The following PLCH2 variants were observed in gnomAD, a reference collection of about 807,000 sequenced individuals.
PLCH2 encodes the protein phospholipase C eta 2.
A neutral mutation model predicts 134.7 loss-of-function variants in PLCH2; 98 were observed. That is an observed-to-expected ratio of 0.73 (90% CI 0.62 to 0.86). PLCH2 has a LOEUF of 0.86. Ranked by LOEUF, PLCH2 falls within the 40% of genes least tolerant of loss-of-function variation. PLCH2 has a pLI of 0.00. For missense variants in PLCH2, 1,994 were observed against 1,986.6 expected (o/e 1.00, Z -0.07); for synonymous variants, 974 against 827.5 (o/e 1.18, Z -3.04).
rs199730125 is a variant in PLCH2, at chr1:2,504,359, C to G, written c.3397C>G (p.Arg1133Gly). The change falls in exon 22 of 22, where the codon CGG becomes GGG. Residue 1133 changes from arginine to glycine, a missense_variant. Physicochemically the swap from Arg to Gly is moderately radical, Grantham distance 125. Transcript: ENST00000378486. ...CACGGGCAGTGACCCGCTGTGGCAG[C>G]GGCTGGAGCCATGTGGCCACCGAGA... is the stretch of plus-strand genomic sequence containing the variant. Reference protein sequence around the residue: ...DATGSDPLWQRLEPCGHRDSV... With the variant: ...DATGSDPLWQGLEPCGHRDSV... The G allele has an allele frequency of 1.6e-5, 26 of 1,610,182 alleles. No individual in the cohort carries two copies. The highest frequency in any genetic ancestry group is 2.1e-5 in the Non-Finnish European group (25 of 1,179,498).
At chr1:2,429,269 G>T (rs1638952583) in intron 1 of PLCH2, among the ~76,000 whole-genome samples, 1 of 152,170 alleles carries the variant, frequency 6.6e-6, no homozygotes, top group South Asian at 2.1e-4. Flanking sequence ...GCAGAGCATG[G>T]CTCTGTGTGT....
In PLCH2 at chr1:2,480,228, C is replaced by G. The variant is rs1641887493; in HGVS notation, c.561C>G (p.Gly187=). 4.3e-6 allele frequency: 7 copies of G among 1,612,842 alleles called. No individual in the cohort carries two copies. The highest frequency in any genetic ancestry group is 5.9e-6 in the Non-Finnish European group (7 of 1,179,838). ...ACGAGGCCGACAAGAACGGGGATGG[C>G]AGCCTGAGCATTGGCGAGGTCCTGC... ...TFDEADKNGD[G]SLSIGEVLQL... Residue 187 remains glycine (G), a synonymous_variant, in exon 4 of 22, where the codon GGC becomes GGG. Transcript: ENST00000378486.
chr1:2,484,554 A>G lies in PLCH2; in HGVS notation c.752A>G (p.Tyr251Cys), dbSNP rs759203234. ...GACCTCTACCTGCTCATGCTGACCT[A>G]CAGCAACCACAAGGACCACCTGGAT... ...RRDLYLLMLT[Y>C]SNHKDHLDAA... The change falls in exon 5 of 22, where the codon TAC becomes TGC. Residue 251 changes from tyrosine (Y) to cysteine (C), a missense_variant. Coordinates refer to ENST00000378486, the MANE Select transcript of PLCH2 (RefSeq NM_014638.4). 13 of 1,613,120 alleles carry G rather than the reference A, an allele frequency of 8.1e-6. No individual in the cohort carries two copies. The East Asian group carries it at 2.5e-4, about 30-fold the overall frequency.
At chr1:2,485,442 G>A (rs1470445245) in intron 5 of PLCH2, among the ~76,000 whole-genome samples, 1 of 152,218 alleles carries the variant, frequency 6.6e-6, no homozygotes, top group Non-Finnish European at 1.5e-5. Flanking sequence ...GAGTGCAGGT[G>A]AGGACCCTGG....
At chr1:2,477,839 G>A (rs1641719357) in intron 1 of PLCH2, among the ~76,000 whole-genome samples, 1 of 152,250 alleles carries the variant, frequency 6.6e-6, no homozygotes, top group African/African-American at 2.4e-5. Flanking sequence ...TGTTGCACAT[G>A]AGGGGTGGGG....
chr1:2,493,824 T>A (rs1269122381), intron 11 of PLCH2: 1 of 153,574 alleles, frequency 6.5e-6, no homozygotes, highest in Non-Finnish European at 1.5e-5. Context: ...GTCGGAGCTG[T>A]TTGCTGTGGC....
chr1:2,453,600 C>T (rs1005191909), intron 2 of PLCH2, among the ~76,000 whole-genome samples: 4 of 152,200 alleles, frequency 2.6e-5, no homozygotes, highest in Non-Finnish European at 4.4e-5. Flanking sequence ...TGCCCAGGGC[C>T]ACCCCCCTCT....
chr1:2,476,059 T>C (rs2100638558), upstream of PLCH2, among the ~76,000 whole-genome samples: 1 of 152,334 alleles, frequency 6.6e-6, no homozygotes, highest in African/African-American at 2.4e-5. Context: ...GACAGTACCC[T>C]GCAGGCCTTC....
chr1:2,499,638 C>T lies in PLCH2; in HGVS notation c.2582-3C>T. 6.3e-7 allele frequency: 1 copy of T among 1,596,744 alleles called. No homozygotes were observed. The highest frequency in any genetic ancestry group is 8.5e-7 in the Non-Finnish European group (1 of 1,171,868). ...ATGACCCTGCTGACCCACACTGCTC[C>T]AGGCTACAGACACGTGTACCTAGAA... On this transcript the variant is annotated splice_region_variant and splice_polypyrimidine_tract_variant and intron_variant, in intron 19 of 21. Transcript: ENST00000378486.
upstream of PLCH2, among the ~76,000 whole-genome samples, chr1:2,424,775 C>G (rs552954555): frequency 5.4e-4 from 82 of 152,284 alleles, no homozygotes; most frequent in Non-Finnish European, 9.7e-4. Flanking sequence ...ATCACGAGGT[C>G]AGGAGATCGA....
chr1:2,476,330 A>G lies in PLCH2; in HGVS notation c.-259A>G. The stretch of plus-strand genomic sequence containing the variant: ...GCCTTGGGAGGCGGCTGCGTCAGGG[A>G]TTCCTTGGTGGCCCTGGAGGGTGGA... On this transcript the variant is annotated 5_prime_UTR_variant, in exon 1 of 22. Coordinates refer to ENST00000378486, the MANE Select transcript of PLCH2 (RefSeq NM_014638.4). 2.5e-6 allele frequency: 1 copy of G among 393,654 alleles called. No individual in the cohort carries two copies. Among genetic ancestry groups the G allele is most frequent in the Non-Finnish European group, 4.5e-6 (1 of 222,182 alleles). The allele number at this position is 393,654 out of a possible 1,614,324, so 24.4% of individuals were successfully genotyped here.
chr1:2,456,474 A>G (rs12742224), intron 2 of PLCH2, among the ~76,000 whole-genome samples: 25,968 of 152,232 alleles, frequency 0.17, 2,657 homozygotes, highest in East Asian at 0.28. Flanking sequence ...AAAAAGCTGC[A>G]GGTGGTGACT....
intron 13 of PLCH2, 41 bp from the exon 14 acceptor site, chr1:2,496,566 C>A: frequency 1.3e-6 from 2 of 1,527,908 alleles, no homozygotes; most frequent in Non-Finnish European, 8.9e-7. Context: ...GCCAGGCTGG[C>A]CCTGGACGGG....
chr1:2,476,615 C>G lies in PLCH2; in HGVS notation c.27C>G (p.Asp9Glu), dbSNP rs1570395791. 2 of 1,591,712 alleles carry G rather than the reference C, an allele frequency of 1.3e-6. No individual in the cohort carries two copies. Among genetic ancestry groups the G allele is most frequent in the Non-Finnish European group, 1.7e-6 (2 of 1,171,366 alleles). ...TGTCTGGTCCATGGCCCTCCCCCGA[C>G]AGCCGGACCAAGGGAACGGTGGCCT... MSGPWPSP[D>E]SRTKGTVAWL... is the part of the protein sequence containing the mutation. The change falls in exon 1 of 22, where the codon GAC becomes GAG. Residue 9 changes from aspartate (D) to glutamate (E), a missense_variant. Transcript: ENST00000378486.
At chr1:2,459,825 G>GGACC (rs1416830207) in intron 2 of PLCH2, among the ~76,000 whole-genome samples, 1 of 152,260 alleles carries the variant, frequency 6.6e-6, no homozygotes, top group Admixed American at 6.5e-5. Context: ...TTCACACGCA[G>GGACC]GACCGGCCGG....
chr1:2,436,525 CTTT>C (rs1557944015), intron 2 of PLCH2, among the ~76,000 whole-genome samples: 1 of 68,372 alleles, frequency 1.5e-5, no homozygotes, highest in Non-Finnish European at 2.5e-5. Context: ...CTCCCTCCTC[CTTT>C]CCTCCTTCCT....
chr1:2,468,848 G>A (rs899028896), intron 1 of PLCH2, among the ~76,000 whole-genome samples: 4 of 152,186 alleles, frequency 2.6e-5, no homozygotes, highest in African/African-American at 7.2e-5. Context: ...TGGGCAAGAG[G>A]GATAGCATGG....
chr1:2,421,574 C>T (rs1010512696), upstream of PLCH2, among the ~76,000 whole-genome samples: 4 of 152,262 alleles, frequency 2.6e-5, no homozygotes, highest in African/African-American at 9.6e-5. Flanking sequence ...TGATACTGTC[C>T]ATCTCTTCCC....
At chr1:2,423,783 A>G (rs1638639095), upstream of PLCH2, among the ~76,000 whole-genome samples, 2 of 152,154 alleles carry the variant, frequency 1.3e-5, no homozygotes, top group African/African-American at 4.8e-5. Context: ...TGTTCTCTCT[A>G]TGGTAGTTAG....
Sources: allele counts gnomAD v4.1 joint callset (sites outside exome capture counted in the v4.1 genomes callset), GRCh38; gene constraint gnomAD v4.1.1; transcripts MANE v1.5; gene names NCBI Gene and HGNC (gene_info 2026-07-23, HGNC 2026-07-21).